The following SUMF1 variants were observed in gnomAD, a reference collection of about 807,000 sequenced individuals.
The protein encoded by SUMF1 is formylglycine-generating enzyme.
SUMF1 carries 48 observed loss-of-function variants against 47.6 expected under a neutral mutation model. That is an observed-to-expected ratio of 1.01 (90% CI 0.80 to 1.28). SUMF1 has a LOEUF of 1.28. Ranked by LOEUF, SUMF1 falls within the 50% of genes most tolerant of loss-of-function variation. The pLI, the probability that SUMF1 is intolerant of heterozygous loss-of-function variation, is 0.00. For missense variants in SUMF1, 571 were observed against 485.4 expected, an observed-to-expected ratio of 1.18 and a Z score of -1.66; for synonymous variants, 230 against 192.1, an observed-to-expected ratio of 1.20 and a Z score of -1.63.
intron 8 of SUMF1, among the ~76,000 whole-genome samples, chr3:4,105,166 G>A (rs1281884253): frequency 2.6e-5 from 4 of 152,034 alleles, no homozygotes; most frequent in Non-Finnish European, 5.9e-5. Context: ...ACTTACATGT[G>A]GAATCTAAAA....
At chr3:4,180,508 A>T (rs903517543) in intron 8 of SUMF1, among the ~76,000 whole-genome samples, 5 of 151,962 alleles carry the variant, frequency 3.3e-5, no homozygotes, top group Admixed American at 3.3e-4. Context: ...TCACTTGGAC[A>T]CAGGGCGAGG....
intron 8 of SUMF1, among the ~76,000 whole-genome samples, chr3:4,103,143 G>A (rs2322519): frequency 3.2e-4 from 48 of 151,144 alleles, no homozygotes; most frequent in Admixed American, 3.0e-3. Context: ...GGCTGATCTC[G>A]AACTCCTGAC....
chr3:4,058,778 A>G (rs956560356), intron 9 of SUMF1, among the ~76,000 whole-genome samples: 2 of 152,184 alleles, frequency 1.3e-5, no homozygotes, highest in African/African-American at 4.8e-5. Flanking sequence ...ATGAATATGC[A>G]AAAACATACA....
rs1574981083 is a variant in SUMF1, at chr3:4,210,844, A to G, written c.1015-142099T>C. ...TCGCTGGGCTGGGAAAGGCAGACCC[A>G]CCCTTGATCTGGGTGGGCACCACCT... On this transcript the variant is annotated intron_variant and NMD_transcript_variant, in intron 8 of 12. Transcript: ENST00000448413. Among the ~76,000 whole-genome samples the G allele has an allele frequency of 2.6e-5, 4 of 151,810 alleles. No homozygotes were observed. The South Asian group carries it at 8.3e-4, about 32-fold the overall frequency.
chr3:4,300,120 G>T (rs182539602), intron 8 of SUMF1, among the ~76,000 whole-genome samples: 4 of 152,308 alleles, frequency 2.6e-5, no homozygotes, highest in Non-Finnish European at 4.4e-5. Flanking sequence ...GGGTGCTAAA[G>T]CACCATCCCC....
In SUMF1 at chr3:4,456,935, CGT is replaced by C. The variant is rs377535497; in HGVS notation, c.271-3888_271-3887del. ...ATATACGTGTGTGTGTATATATATA[CGT>C]GTGTGTACATATATACGTGTGTGTA... On this transcript the variant is annotated intron_variant, in intron 1 of 8. Coordinates refer to ENST00000272902, the MANE Select transcript of SUMF1 (RefSeq NM_182760.4). Among the ~76,000 whole-genome samples, 8 of 58,182 alleles carry C rather than the reference CGT, an allele frequency of 1.4e-4. 1 individual carries two copies. The East Asian group carries it at 1.5e-3, about 11-fold the overall frequency. The allele number at this position is 58,182 out of a possible 152,430, so 38.2% of individuals were successfully genotyped here.
chr3:4,316,979 A>T, intron 8 of SUMF1: 1 of 1,549,374 alleles, frequency 6.5e-7, no homozygotes. Flanking sequence ...ATGTTGCACA[A>T]CCCACACTTC....
chr3:4,286,328 A>T (rs1262210908), intron 8 of SUMF1, among the ~76,000 whole-genome samples: 1 of 152,102 alleles, frequency 6.6e-6, no homozygotes, highest in South Asian at 2.1e-4. Context: ...TTCTGCATCT[A>T]TAGGAAAACA....
intron 8 of SUMF1, among the ~76,000 whole-genome samples, chr3:4,269,912 C>A (rs1325593052): frequency 2.0e-5 from 3 of 152,156 alleles, no homozygotes; most frequent in Non-Finnish European, 4.4e-5. Context: ...TAAGGACAGT[C>A]TACAAGAGGG....
intron 8 of SUMF1, among the ~76,000 whole-genome samples, chr3:4,122,552 G>A (rs555650090): frequency 6.6e-6 from 1 of 152,222 alleles, no homozygotes; most frequent in East Asian, 1.9e-4. Flanking sequence ...TTAATTTTAT[G>A]TTATGTGAAT....
chr3:4,233,849 TA>T (rs1696352532), intron 8 of SUMF1, among the ~76,000 whole-genome samples: 1 of 152,118 alleles, frequency 6.6e-6, no homozygotes, highest in Non-Finnish European at 1.5e-5. Context: ...TTCCTCAAAG[TA>T]ACAGCACCAG....
chr3:4,211,199 CATACATATATATAT>C (rs1423136822), intron 8 of SUMF1, among the ~76,000 whole-genome samples: 3 of 85,038 alleles, frequency 3.5e-5, no homozygotes, highest in Non-Finnish European at 6.9e-5. Flanking sequence ...CATATACATA[CATACATATATATAT>C]ATATATATAT....
At chr3:4,232,661 G>T (rs1696327250) in intron 8 of SUMF1, among the ~76,000 whole-genome samples, 1 of 151,902 alleles carries the variant, frequency 6.6e-6, no homozygotes, top group Admixed American at 6.6e-5. Flanking sequence ...GTATTTGTTT[G>T]GTTATCATTT....
At chr3:4,163,320 C>T (rs1694621575) in intron 8 of SUMF1, among the ~76,000 whole-genome samples, 2 of 129,516 alleles carry the variant, frequency 1.5e-5, no homozygotes, top group Admixed American at 1.7e-4. Flanking sequence ...TTTAACCTTC[C>T]TTTTCATGCA....
chr3:4,205,687 G>T (rs1386775469), intron 8 of SUMF1, among the ~76,000 whole-genome samples: 1 of 152,170 alleles, frequency 6.6e-6, no homozygotes, highest in East Asian at 1.9e-4. Context: ...AACTCATAGA[G>T]GTACTGCCTT....
intron 8 of SUMF1, among the ~76,000 whole-genome samples, chr3:4,283,878 G>C (rs1697577245): frequency 6.6e-6 from 1 of 152,132 alleles, no homozygotes; most frequent in Non-Finnish European, 1.5e-5. Flanking sequence ...CCTTTTTGCT[G>C]TGTCTTCACA....
At chr3:4,087,581 A>G (rs1692698127) in intron 8 of SUMF1, among the ~76,000 whole-genome samples, 1 of 152,132 alleles carries the variant, frequency 6.6e-6, no homozygotes, top group Non-Finnish European at 1.5e-5. Context: ...AAGAAGAATC[A>G]CATTGTTTTA....
chr3:4,353,618 C>A (rs368932679), intron 8 of SUMF1, among the ~76,000 whole-genome samples: 13 of 152,260 alleles, frequency 8.5e-5, no homozygotes, highest in African/African-American at 2.4e-4. Flanking sequence ...ATCATACAGT[C>A]TCTAGAAAAC....
At chr3:4,099,393 T>G (rs1366230131) in intron 8 of SUMF1, among the ~76,000 whole-genome samples, 1 of 152,132 alleles carries the variant, frequency 6.6e-6, no homozygotes, top group Non-Finnish European at 1.5e-5. Flanking sequence ...AGAAAAAGCA[T>G]GTGACAAAAG....
Sources: gnomAD v4.1 joint callset for allele counts (sites outside exome capture counted in the v4.1 genomes callset) on GRCh38, gnomAD v4.1.1 for gene constraint, MANE v1.5 for transcripts, NCBI Gene and HGNC (gene_info 2026-07-23, HGNC 2026-07-21) for gene names.